The following ITGB3BP variants were observed in gnomAD, a reference collection of about 807,000 sequenced individuals.
ITGB3BP encodes integrin subunit beta 3 binding protein.
ITGB3BP carries 27 observed loss-of-function variants against 29.1 expected under a neutral mutation model. That is an observed-to-expected ratio of 0.93 (90% CI 0.68 to 1.28). The LOEUF is 1.28. ITGB3BP is among the 50% of genes most tolerant of loss of function. ITGB3BP has a pLI of 0.00. For synonymous variants in ITGB3BP, 61 were observed against 61.4 expected (o/e 0.99, Z 0.03); for missense variants, 192 against 200.2 (o/e 0.96, Z 0.25).
At chr1:63,475,695 AAAC>A (rs1459718277) in intron 4 of ITGB3BP, among the ~76,000 whole-genome samples, 11 of 152,190 alleles carry the variant, frequency 7.2e-5, no homozygotes, top group Non-Finnish European at 1.6e-4. Flanking sequence ...TGAATGAAAA[AAAC>A]AATCAGAAAT....
intron 2 of ITGB3BP, among the ~76,000 whole-genome samples, chr1:63,507,954 C>T (rs1646117772): frequency 6.6e-6 from 1 of 152,082 alleles, no homozygotes; most frequent in African/African-American, 2.4e-5. Context: ...AATAAACTAA[C>T]ATATGTCATG....
chr1:63,524,527 T>G (rs2100854001), upstream of ITGB3BP, among the ~76,000 whole-genome samples: 1 of 152,334 alleles, frequency 6.6e-6, no homozygotes, highest in East Asian at 1.9e-4. Context: ...TGAGTAGGAA[T>G]GCAATGAGTC....
intron 8 of ITGB3BP, among the ~76,000 whole-genome samples, chr1:63,445,535 CT>C (rs1438618158): frequency 6.6e-6 from 1 of 151,654 alleles, no homozygotes; most frequent in African/African-American, 2.4e-5. Flanking sequence ...GAATATAATT[CT>C]TTAATTGTGC....
chr1:63,456,261 A>G (rs1161974151), intron 4 of ITGB3BP, among the ~76,000 whole-genome samples: 1 of 152,228 alleles, frequency 6.6e-6, no homozygotes, highest in East Asian at 1.9e-4. Flanking sequence ...TAAGTATGCG[A>G]ACAAGAAACA....
chr1:63,459,716 A>C (rs1327741674), intron 4 of ITGB3BP, among the ~76,000 whole-genome samples: 1 of 152,170 alleles, frequency 6.6e-6, no homozygotes. Context: ...TTATTTAATT[A>C]TCCGGGTTTT....
chr1:63,502,756 C>T (rs1645968220), intron 2 of ITGB3BP, among the ~76,000 whole-genome samples: 1 of 149,528 alleles, frequency 6.7e-6, no homozygotes, highest in African/African-American at 2.5e-5. Flanking sequence ...CGAGTGAGAA[C>T]ACGCGGTGTT....
At chr1:63,456,260 G>A (rs571607008) in intron 4 of ITGB3BP, among the ~76,000 whole-genome samples, 29 of 152,104 alleles carry the variant, frequency 1.9e-4, no homozygotes, top group Admixed American at 3.3e-4. Flanking sequence ...CTAAGTATGC[G>A]AACAAGAAAC....
chr1:63,504,064 C>G (rs1331178752), intron 2 of ITGB3BP, among the ~76,000 whole-genome samples: 1 of 151,724 alleles, frequency 6.6e-6, no homozygotes, highest in East Asian at 1.9e-4. Flanking sequence ...TCATTGGTAG[C>G]TTGATGGGGA....
chr1:63,483,031 T>A (rs12757505), intron 3 of ITGB3BP, among the ~76,000 whole-genome samples: 5,457 of 152,276 alleles, frequency 0.036, 116 homozygotes, highest in Non-Finnish European at 0.045. Context: ...ATTCTTAAAA[T>A]ATTACTTACA....
intron 1 of ITGB3BP, among the ~76,000 whole-genome samples, chr1:63,509,473 CTATGT>C (rs1277460412): frequency 2.0e-5 from 3 of 152,178 alleles, no homozygotes; most frequent in African/African-American, 7.2e-5. Context: ...AAAGATTGTA[CTATGT>C]TATATTACAG....
intron 1 of ITGB3BP, among the ~76,000 whole-genome samples, chr1:63,509,305 A>T (rs1646147923): frequency 1.3e-5 from 2 of 152,226 alleles, no homozygotes; most frequent in South Asian, 4.1e-4. Context: ...GCAGTCATCA[A>T]CATTTTATTC....
chr1:63,523,157 T>C lies in ITGB3BP; in HGVS notation c.-24A>G, dbSNP rs763153407. ...ATTCTGAGATTCGGGAAAGCACCAC[T>C]GCCGCTGAATAAAACGAACCCAGCA... On this transcript the variant is annotated 5_prime_UTR_variant, in exon 1 of 9. Coordinates refer to ENST00000271002, the MANE Select transcript of ITGB3BP (RefSeq NM_014288.5). 2.5e-6 allele frequency: 4 copies of C among 1,613,954 alleles called. No individual in the cohort carries two copies. Among genetic ancestry groups the C allele is most frequent in the Admixed American group, 1.7e-5 (1 of 60,020 alleles).
intron 3 of ITGB3BP, among the ~76,000 whole-genome samples, chr1:63,489,011 T>C (rs576255422): frequency 1.1e-3 from 165 of 152,204 alleles, no homozygotes; most frequent in Middle Eastern, 0.01. Context: ...CATTTCAGTA[T>C]AGGGATGTAC....
intron 2 of ITGB3BP, among the ~76,000 whole-genome samples, chr1:63,492,889 G>C (rs145985820): frequency 6.8e-6 from 1 of 147,940 alleles, no homozygotes; most frequent in Non-Finnish European, 1.5e-5. Flanking sequence ...TGGGAGGATT[G>C]CTTGAGCTCA....
chr1:63,493,454 A>C (rs12728538), intron 2 of ITGB3BP, among the ~76,000 whole-genome samples: 32,424 of 144,288 alleles, frequency 0.22, 3,942 homozygotes, highest in Non-Finnish European at 0.29. Flanking sequence ...ACAAACAAAC[A>C]AACCTGCTTG....
upstream of ITGB3BP, among the ~76,000 whole-genome samples, chr1:63,524,108 G>C (rs1221991683): frequency 1.3e-5 from 2 of 152,056 alleles, no homozygotes; most frequent in Non-Finnish European, 2.9e-5. Flanking sequence ...ATAAAATTCT[G>C]GCACATTTCT....
intron 2 of ITGB3BP, among the ~76,000 whole-genome samples, chr1:63,493,079 C>CAG: frequency 6.9e-6 from 1 of 144,772 alleles, no homozygotes; most frequent in South Asian, 2.2e-4. Context: ...ACCACACACA[C>CAG]ACACACACAC....
At chr1:63,450,089 G>A (rs568152797) in intron 7 of ITGB3BP, among the ~76,000 whole-genome samples, 198 of 151,968 alleles carry the variant, frequency 1.3e-3, no homozygotes, top group Non-Finnish European at 2.0e-3. Context: ...CTATAACCAA[G>A]ACGAATTTTA....
chr1:63,492,978 G>A (rs1026877463), intron 2 of ITGB3BP, among the ~76,000 whole-genome samples: 2 of 151,902 alleles, frequency 1.3e-5, no homozygotes, highest in Non-Finnish European at 2.9e-5. Flanking sequence ...GGGCATAGTG[G>A]TGCATGCCTG....
Sources: allele counts gnomAD v4.1 joint callset (sites outside exome capture counted in the v4.1 genomes callset), GRCh38; gene constraint gnomAD v4.1.1; transcripts MANE v1.5; gene names NCBI Gene and HGNC (gene_info 2026-07-23, HGNC 2026-07-21).